CCDC85A: variants seen among roughly 807,000 people sequenced by gnomAD.
The protein encoded by CCDC85A is coiled-coil domain-containing protein 85A.
Under a neutral mutation model 50.2 loss-of-function variants are expected in CCDC85A, and 38 were observed. The ratio of observed to expected loss-of-function variants is 0.76; its 90% CI spans 0.58 to 0.99. CCDC85A has a LOEUF of 0.99. CCDC85A is among the 50% of genes least tolerant of loss of function. The pLI is 0.00. For missense variants in CCDC85A, 820 were observed against 742.0 expected (o/e 1.11, Z -1.22); for synonymous variants, 366 against 301.4 (o/e 1.21, Z -2.22).
At chr2:56,320,588 A>C (rs1317423531) in intron 2 of CCDC85A, among the ~76,000 whole-genome samples, 1 of 152,196 alleles carries the variant, frequency 6.6e-6, no homozygotes, top group East Asian at 1.9e-4. Flanking sequence ...AGACTAAACC[A>C]GGAAGAAGTT....
chr2:56,301,577 G>T (rs1323387493), intron 2 of CCDC85A, among the ~76,000 whole-genome samples: 1 of 152,174 alleles, frequency 6.6e-6, no homozygotes, highest in Non-Finnish European at 1.5e-5. Context: ...AGAAGGGAAA[G>T]GTCATACTGT....
intron 2 of CCDC85A, among the ~76,000 whole-genome samples, chr2:56,285,883 T>C (rs1671420624): frequency 6.6e-6 from 1 of 152,158 alleles, no homozygotes; most frequent in African/African-American, 2.4e-5. Context: ...AAGAAATTTC[T>C]TTTTGTAGTA....
chr2:56,238,222 C>T (rs1208369223), intron 2 of CCDC85A, among the ~76,000 whole-genome samples: 2 of 152,066 alleles, frequency 1.3e-5, no homozygotes, highest in African/African-American at 4.8e-5. Flanking sequence ...TTGAGACCAG[C>T]CTGGCCAACA....
chr2:56,331,866 C>A (rs1573277708), intron 2 of CCDC85A, among the ~76,000 whole-genome samples: 1 of 152,208 alleles, frequency 6.6e-6, no homozygotes, highest in Non-Finnish European at 1.5e-5. Context: ...TTTGCTTTTC[C>A]CTTCCTTTGA....
intron 2 of CCDC85A, among the ~76,000 whole-genome samples, chr2:56,264,234 C>A (rs937684194): frequency 6.6e-6 from 1 of 152,082 alleles, no homozygotes; most frequent in African/African-American, 2.4e-5. Context: ...CTTCAGAACT[C>A]CAGATTCTTA....
chr2:56,240,891 G>A (rs1669227323), intron 2 of CCDC85A, among the ~76,000 whole-genome samples: 1 of 152,010 alleles, frequency 6.6e-6, no homozygotes, highest in Admixed American at 6.6e-5. Context: ...AATTCTCCTG[G>A]GAGTGGAATT....
At chr2:56,196,776 T>C (rs1160111690) in intron 2 of CCDC85A, among the ~76,000 whole-genome samples, 1 of 151,094 alleles carries the variant, frequency 6.6e-6, no homozygotes, top group East Asian at 1.9e-4. Context: ...ATAGTAAAAA[T>C]AGTTTGATAT....
intron 2 of CCDC85A, among the ~76,000 whole-genome samples, chr2:56,266,897 A>T (rs552466159): frequency 8.3e-4 from 127 of 152,340 alleles, no homozygotes; most frequent in African/African-American, 3.0e-3. Flanking sequence ...TGAAACTATT[A>T]ACATTCAAGT....
At chr2:56,290,083 T>C (rs1035891093) in intron 2 of CCDC85A, among the ~76,000 whole-genome samples, 5 of 152,134 alleles carry the variant, frequency 3.3e-5, no homozygotes, top group African/African-American at 1.2e-4. Flanking sequence ...CTCTGCCCTA[T>C]TCTGGCCACA....
intron 2 of CCDC85A, among the ~76,000 whole-genome samples, chr2:56,274,998 AT>A (rs1235421953): frequency 6.6e-6 from 1 of 152,106 alleles, no homozygotes; most frequent in Non-Finnish European, 1.5e-5. Context: ...AAGGACACTA[AT>A]TTCATCATGA....
intron 2 of CCDC85A, among the ~76,000 whole-genome samples, chr2:56,301,682 C>T (rs765726600): frequency 2.6e-5 from 4 of 152,054 alleles, no homozygotes; most frequent in Admixed American, 6.6e-5. Flanking sequence ...TAAGGAATGG[C>T]TCAACAAAAG....
chr2:56,338,445 G>A (rs954308697), intron 2 of CCDC85A, among the ~76,000 whole-genome samples: 77 of 152,160 alleles, frequency 5.1e-4, no homozygotes, highest in South Asian at 3.1e-3. Context: ...GGGTTGCAGC[G>A]GATGTGGTCA....
chr2:56,222,432 G>C (rs1250573323), intron 2 of CCDC85A, among the ~76,000 whole-genome samples: 2 of 152,084 alleles, frequency 1.3e-5, no homozygotes, highest in Non-Finnish European at 2.9e-5. Flanking sequence ...GACGTGGAAT[G>C]CATCTGAAAT....
intron 4 of CCDC85A, among the ~76,000 whole-genome samples, chr2:56,373,014 T>C (rs189232468): frequency 1.3e-5 from 2 of 152,344 alleles, no homozygotes; most frequent in East Asian, 3.9e-4. Flanking sequence ...ATATGTAAAT[T>C]GAACCCTCAT....
chr2:56,229,815 C>G (rs908313474), intron 2 of CCDC85A, among the ~76,000 whole-genome samples: 3 of 152,080 alleles, frequency 2.0e-5, no homozygotes, highest in Admixed American at 1.3e-4. Flanking sequence ...GAGCCTACCC[C>G]GTGTTTTGTC....
Position 56,287,566 on chromosome 2 carries a change from G to C in CCDC85A, c.1241-55313G>C, listed in dbSNP as rs533981057. On this transcript the variant is annotated intron_variant, in intron 2 of 5. Transcript: ENST00000407595. Reference sequence around the variant, plus strand: ...GACCCAGTTCCAATAACTCTGTCATGATCTGAAGTTGAAGTCACATTCTTT... The same window carrying C: ...GACCCAGTTCCAATAACTCTGTCATCATCTGAAGTTGAAGTCACATTCTTT... Among the ~76,000 whole-genome samples, 6 of 152,246 alleles carry C rather than the reference G, an allele frequency of 3.9e-5. No individual in the cohort carries two copies. In the South Asian group the frequency reaches 1.2e-3, roughly 32 times the overall value.
At chr2:56,304,907 AAAAAC>A (rs1672367353) in intron 2 of CCDC85A, among the ~76,000 whole-genome samples, 1 of 147,180 alleles carries the variant, frequency 6.8e-6, no homozygotes, top group African/African-American at 2.6e-5. Flanking sequence ...AAAAAAAACA[AAAAAC>A]AAAAAACAAA....
chr2:56,324,828 G>T (rs17047797), intron 2 of CCDC85A, among the ~76,000 whole-genome samples: 4,148 of 152,100 alleles, frequency 0.027, 195 homozygotes, highest in African/African-American at 0.094. Flanking sequence ...ACTCTTTGGG[G>T]TTAAAATATT....
intron 3 of CCDC85A, among the ~76,000 whole-genome samples, chr2:56,350,451 A>C (rs2104342047): frequency 6.6e-6 from 1 of 152,304 alleles, no homozygotes; most frequent in East Asian, 1.9e-4. Flanking sequence ...AATGCCTGTA[A>C]TCCAGTCTTC....
Sources: gnomAD v4.1 joint callset for allele counts (sites outside exome capture counted in the v4.1 genomes callset) on GRCh38, gnomAD v4.1.1 for gene constraint, MANE v1.5 for transcripts, NCBI Gene and HGNC (gene_info 2026-07-23, HGNC 2026-07-21) for gene names.